FAM135B: variants seen among roughly 807,000 people sequenced by gnomAD.
The protein encoded by FAM135B is family with sequence similarity 135 member B, also known as protein FAM135B.
A neutral mutation model predicts 127.7 loss-of-function variants in FAM135B; 43 were observed. That is an observed-to-expected ratio of 0.34 (90% CI 0.26 to 0.43). FAM135B has a LOEUF of 0.43. Ranked by LOEUF, FAM135B falls within the 20% of genes least tolerant of loss-of-function variation. The probability of loss-of-function intolerance (pLI) is 1.00; values close to 1 mark genes in which losing one functional copy is unlikely to be tolerated. For missense variants in FAM135B, 1,558 were observed against 1,725.6 expected, an observed-to-expected ratio of 0.90 and a Z score of 1.72; for synonymous variants, 670 against 665.1, an observed-to-expected ratio of 1.01 and a Z score of -0.11.
intron 1 of FAM135B, among the ~76,000 whole-genome samples, chr8:138,379,705 C>A (rs1329513815): frequency 1.3e-5 from 2 of 152,126 alleles, no homozygotes; most frequent in African/African-American, 4.8e-5. Flanking sequence ...CTGAGGGAGA[C>A]AGAAGTTGCA....
chr8:138,266,777 TAC>T (rs754336924), intron 3 of FAM135B, among the ~76,000 whole-genome samples: 4 of 7,432 alleles, frequency 5.4e-4, no homozygotes, highest in African/African-American at 1.7e-3. Context: ...TACATATATA[TAC>T]ACACACACAC....
intron 2 of FAM135B, among the ~76,000 whole-genome samples, chr8:138,339,386 TTA>T (rs1563915405): frequency 6.7e-6 from 1 of 150,144 alleles, no homozygotes; most frequent in African/African-American, 2.5e-5. Context: ...TATATATATT[TTA>T]AAATCTCCAA....
chr8:138,226,619 T>C (rs7827318), intron 7 of FAM135B, among the ~76,000 whole-genome samples: 19,664 of 152,074 alleles, frequency 0.13, 1,455 homozygotes, highest in Non-Finnish European at 0.14. Flanking sequence ...TGGAGTGCAG[T>C]AGTGTGATGT....
chr8:138,257,009 AATG>A (rs1822149285), intron 4 of FAM135B, among the ~76,000 whole-genome samples: 1 of 152,228 alleles, frequency 6.6e-6, no homozygotes. Context: ...TTGCAAAAAA[AATG>A]CTAAACAAGT....
In FAM135B at chr8:138,310,888, G is replaced by A. The variant is rs1587047032; in HGVS notation, c.110C>T (p.Ser37Phe). The change falls in exon 3 of 20, where the codon TCT becomes TTT. Residue 37 changes from serine to phenylalanine, a missense_variant. Around this residue, in one of 5 missense-constraint regions of FAM135B, gnomAD observed 199 missense variants for 245.7 expected, o/e 0.81. Transcript: ENST00000395297. The stretch of plus-strand genomic sequence containing the variant: ...ACTCAGTCTGTGGGGGATCCTTGAA[G>A]ACACCTTCAAGGTCACTCGGATCTG... Reference protein sequence around the residue: ...YYQIRVTLKVSSRIPHRLSAS... With the variant: ...YYQIRVTLKVFSRIPHRLSAS... The A allele has an allele frequency of 5.0e-6, 8 of 1,613,854 alleles. No individual in the cohort carries two copies. Among genetic ancestry groups the A allele is most frequent in the Non-Finnish European group, 6.8e-6 (8 of 1,179,932 alleles).
intron 4 of FAM135B, among the ~76,000 whole-genome samples, chr8:138,263,361 T>C (rs2130608531): frequency 6.6e-6 from 1 of 152,172 alleles, no homozygotes; most frequent in African/African-American, 2.4e-5. Context: ...TCTGGACCCA[T>C]TCTCCTCGTA....
At chr8:138,164,205 G>A (rs1819681279) in intron 12 of FAM135B, among the ~76,000 whole-genome samples, 1 of 152,146 alleles carries the variant, frequency 6.6e-6, no homozygotes, top group South Asian at 2.1e-4. Flanking sequence ...AGAGATCAAG[G>A]AGTTCAAGAA....
intron 1 of FAM135B, among the ~76,000 whole-genome samples, chr8:138,485,994 G>A (rs1470033577): frequency 6.6e-6 from 1 of 152,038 alleles, no homozygotes; most frequent in African/African-American, 2.4e-5. Flanking sequence ...GACTTGGAAA[G>A]CCTCCTAGGT....
chr8:138,220,909 C>T (rs1383552712), intron 7 of FAM135B, among the ~76,000 whole-genome samples: 2 of 152,302 alleles, frequency 1.3e-5, no homozygotes, highest in African/African-American at 2.4e-5. Context: ...TACTCACCCA[C>T]GTGAAATAAC....
intron 1 of FAM135B, among the ~76,000 whole-genome samples, chr8:138,401,051 A>T (rs1278859761): frequency 6.6e-6 from 1 of 152,184 alleles, no homozygotes; most frequent in Non-Finnish European, 1.5e-5. Context: ...CTAATTGGGC[A>T]TTTATTTACA....
At chr8:138,305,569 C>A (rs1826182946) in intron 3 of FAM135B, among the ~76,000 whole-genome samples, 1 of 152,208 alleles carries the variant, frequency 6.6e-6, no homozygotes, top group South Asian at 2.1e-4. Flanking sequence ...AAAACATAAG[C>A]AAGCCTTTGA....
chr8:138,281,437 A>T (rs1006030122), intron 3 of FAM135B, among the ~76,000 whole-genome samples: 11 of 146,972 alleles, frequency 7.5e-5, no homozygotes, highest in African/African-American at 2.5e-4. Context: ...ATTATCCCAG[A>T]TCTGATTTCC....
chr8:138,277,622 G>T (rs1823936425), intron 3 of FAM135B, among the ~76,000 whole-genome samples: 1 of 152,174 alleles, frequency 6.6e-6, no homozygotes, highest in South Asian at 2.1e-4. Flanking sequence ...GGCATAGCCA[G>T]TGTATGGTAA....
intron 1 of FAM135B, chr8:138,439,459 T>C (rs1235537836): frequency 6.6e-6 from 1 of 152,174 alleles, no homozygotes; most frequent in Non-Finnish European, 1.5e-5. Flanking sequence ...AGTCTCATCT[T>C]CAAACTCCAA....
At chr8:138,285,621 C>T (rs1292084843) in intron 3 of FAM135B, among the ~76,000 whole-genome samples, 4 of 152,196 alleles carry the variant, frequency 2.6e-5, no homozygotes, top group Non-Finnish European at 5.9e-5. Flanking sequence ...GCCATTACTA[C>T]CAATCCATGA....
chr8:138,280,886 G>T (rs1425448493), intron 3 of FAM135B, among the ~76,000 whole-genome samples: 1 of 152,086 alleles, frequency 6.6e-6, no homozygotes, highest in Non-Finnish European at 1.5e-5. Flanking sequence ...ATGCAGAGGA[G>T]GGGGCTCAGA....
intron 1 of FAM135B, among the ~76,000 whole-genome samples, chr8:138,447,898 T>C (rs1442523640): frequency 6.6e-6 from 1 of 151,422 alleles, no homozygotes; most frequent in African/African-American, 2.4e-5. Flanking sequence ...GTTTTGAATA[T>C]CAGTGATCAC....
intron 3 of FAM135B, among the ~76,000 whole-genome samples, chr8:138,298,129 A>T (rs985840480): frequency 2.6e-5 from 4 of 152,208 alleles, no homozygotes; most frequent in African/African-American, 9.7e-5. Context: ...TCACATAGGG[A>T]AGATGTGATG....
At position 138,141,114 on chromosome 8, in the gene FAM135B, C is replaced by T. The variant is rs1259679908; in HGVS notation, c.3790+84G>A. The T allele has an allele frequency of 7.4e-7, 1 of 1,346,150 alleles. No homozygotes were observed. Among genetic ancestry groups the T allele is most frequent in the Non-Finnish European group, 1.0e-6 (1 of 959,344 alleles). 83.4% of individuals were successfully genotyped at this position (1,346,150 alleles called of 1,614,324 possible). A position where few individuals can be genotyped will look rare whatever the true frequency, so the allele number is the denominator to read the frequency against. On this transcript the variant is annotated intron_variant, in intron 17 of 19. Transcript: ENST00000395297. This position sits in a 1 kb window ranked among gnomAD's most constrained non-coding sequence, Gnocchi z 4.7. ...AAAAGACTGCACAGTCACAGGGTTCCAAGTGGAAGTACCTGTGCCCGGTTT... is the reference window on the plus strand; with the variant it reads ...AAAAGACTGCACAGTCACAGGGTTCTAAGTGGAAGTACCTGTGCCCGGTTT...
Sources: gnomAD v4.1 joint callset for allele counts (sites outside exome capture counted in the v4.1 genomes callset) on GRCh38, gnomAD v4.1.1 for gene constraint, gnomAD v4.1.1 regional missense constraint, Gnocchi (gnomAD v3.1) non-coding constraint, MANE v1.5 for transcripts, NCBI Gene and HGNC (gene_info 2026-07-23, HGNC 2026-07-21) for gene names.